DSCAM: variants seen among roughly 807,000 people sequenced by gnomAD.
DSCAM encodes the protein DS cell adhesion molecule.
DSCAM carries 47 observed loss-of-function variants against 217.7 expected under a neutral mutation model. The ratio of observed to expected loss-of-function variants is 0.22; its 90% CI spans 0.17 to 0.28. DSCAM has a LOEUF of 0.28. Among genes scored for constraint, DSCAM ranks in the 10% least tolerant of loss-of-function variants. The pLI is 1.00. For missense variants in DSCAM, 2,080 were observed against 2,618.3 expected, an observed-to-expected ratio of 0.79 and a Z score of 4.49; for synonymous variants, 1,056 against 1,015.3, an observed-to-expected ratio of 1.04 and a Z score of -0.76.
intron 3 of DSCAM, among the ~76,000 whole-genome samples, chr21:40,484,621 A>G (rs1012002376): frequency 1.2e-5 from 1 of 84,388 alleles, no homozygotes; most frequent in African/African-American, 6.5e-5. Flanking sequence ...GATAATGTTC[A>G]TGGGTGGTTT....
At chr21:40,132,031 AAAAATGCAGATGC>A (rs1381765967) in intron 19 of DSCAM, among the ~76,000 whole-genome samples, 1 of 152,230 alleles carries the variant, frequency 6.6e-6, no homozygotes, top group Non-Finnish European at 1.5e-5. Flanking sequence ...ACATTCTTCC[AAAAATGCAGATGC>A]AAAACATTTT....
chr21:40,039,265 A>T (rs1320709621), intron 32 of DSCAM, among the ~76,000 whole-genome samples: 2 of 152,140 alleles, frequency 1.3e-5, no homozygotes, highest in African/African-American at 4.8e-5. Flanking sequence ...GTTTTTGAAT[A>T]TGTGAAGGAA....
At chr21:40,351,733 T>G (rs1035880774) in intron 5 of DSCAM, among the ~76,000 whole-genome samples, 1 of 151,914 alleles carries the variant, frequency 6.6e-6, no homozygotes, top group African/African-American at 2.4e-5. Context: ...AAGGGAACAA[T>G]GATAAAAATA....
At chr21:40,698,313 A>G (rs977726180) in intron 2 of DSCAM, among the ~76,000 whole-genome samples, 10 of 152,230 alleles carry the variant, frequency 6.6e-5, no homozygotes, top group African/African-American at 2.4e-4. Context: ...GGTCACGATA[A>G]GCAAACAGAA....
intron 20 of DSCAM, among the ~76,000 whole-genome samples, chr21:40,109,849 A>C (rs1311437592): frequency 6.6e-6 from 1 of 152,208 alleles, no homozygotes; most frequent in Non-Finnish European, 1.5e-5. Context: ...TCAAACTGCA[A>C]GGTGGCAGTG....
chr21:40,178,102 G>A (rs2090752573), intron 15 of DSCAM, among the ~76,000 whole-genome samples: 1 of 152,196 alleles, frequency 6.6e-6, no homozygotes, highest in African/African-American at 2.4e-5. Flanking sequence ...AAGCGCAGTG[G>A]CTTCCTCTCC....
At chr21:40,112,631 G>A (rs1023226112) in intron 20 of DSCAM, among the ~76,000 whole-genome samples, 8 of 152,102 alleles carry the variant, frequency 5.3e-5, no homozygotes, top group African/African-American at 1.9e-4. Flanking sequence ...TCCAGGAGGT[G>A]GTTTTTTGAA....
At chr21:40,798,553 A>G (rs1159285283) in intron 1 of DSCAM, among the ~76,000 whole-genome samples, 1 of 152,102 alleles carries the variant, frequency 6.6e-6, no homozygotes, top group Non-Finnish European at 1.5e-5. Context: ...GGCAATAATA[A>G]TATTTCAGGA....
chr21:40,783,891 C>T (rs1339141290), intron 1 of DSCAM, among the ~76,000 whole-genome samples: 1 of 152,112 alleles, frequency 6.6e-6, no homozygotes, highest in Non-Finnish European at 1.5e-5. Flanking sequence ...GCATTCTTCT[C>T]TTTCTTCACA....
At chr21:40,337,044 T>C (rs1041869712) in intron 8 of DSCAM, among the ~76,000 whole-genome samples, 1 of 152,210 alleles carries the variant, frequency 6.6e-6, no homozygotes, top group Non-Finnish European at 1.5e-5. Context: ...ACATATTCTA[T>C]AATATATAAT....
At chr21:40,689,701 T>G (rs764368863) in intron 3 of DSCAM, among the ~76,000 whole-genome samples, 2 of 152,176 alleles carry the variant, frequency 1.3e-5, no homozygotes, top group Non-Finnish European at 2.9e-5. Context: ...CAGGCTGGGA[T>G]GACTTGATAA....
intron 16 of DSCAM, among the ~76,000 whole-genome samples, chr21:40,159,664 C>T (rs980300644): frequency 6.6e-6 from 1 of 152,200 alleles, no homozygotes; most frequent in Non-Finnish European, 1.5e-5. Flanking sequence ...TCACTGCAGC[C>T]TCTGTCTCCT....
chr21:40,733,594 C>T (rs1212703566), intron 1 of DSCAM, among the ~76,000 whole-genome samples: 1 of 152,176 alleles, frequency 6.6e-6, no homozygotes. Context: ...GAAACCTTGC[C>T]TCTGAGCATG....
At chr21:40,287,456 G>T (rs1311002892) in intron 10 of DSCAM, among the ~76,000 whole-genome samples, 1 of 152,208 alleles carries the variant, frequency 6.6e-6, no homozygotes, top group Non-Finnish European at 1.5e-5. Context: ...GACATTGGGA[G>T]GGAAGTTGTG....
intron 27 of DSCAM, among the ~76,000 whole-genome samples, chr21:40,063,891 G>A (rs143043506): frequency 3.3e-5 from 5 of 152,126 alleles, no homozygotes; most frequent in Admixed American, 2.0e-4. Flanking sequence ...AGCTTAGTTC[G>A]TTAAGTTGGC....
intron 3 of DSCAM, among the ~76,000 whole-genome samples, chr21:40,401,442 A>G (rs1249978933): frequency 2.6e-5 from 4 of 152,148 alleles, no homozygotes; most frequent in African/African-American, 9.7e-5. Flanking sequence ...ATAGTACACT[A>G]TTTACACAAA....
At chr21:40,430,838 G>T (rs193284458) in intron 3 of DSCAM, among the ~76,000 whole-genome samples, 1 of 152,160 alleles carries the variant, frequency 6.6e-6, no homozygotes, top group Non-Finnish European at 1.5e-5. Flanking sequence ...CGTGTGCGAC[G>T]CACTTGAGGC....
chr21:40,297,260 A>G (rs2073965368), intron 9 of DSCAM, among the ~76,000 whole-genome samples: 1 of 152,202 alleles, frequency 6.6e-6, no homozygotes, highest in South Asian at 2.1e-4. Context: ...ATATCTCCCC[A>G]AAGAAAGCAT....
At chr21:40,268,912 T>C (rs943924226) in intron 11 of DSCAM, among the ~76,000 whole-genome samples, 1 of 152,130 alleles carries the variant, frequency 6.6e-6, no homozygotes, top group Non-Finnish European at 1.5e-5. Context: ...CCACCATATG[T>C]GCCCAGGTCC....
Sources: allele counts gnomAD v4.1 joint callset (sites outside exome capture counted in the v4.1 genomes callset), GRCh38; gene constraint gnomAD v4.1.1; transcripts MANE v1.5; gene names NCBI Gene and HGNC (gene_info 2026-07-23, HGNC 2026-07-21).